Variants in BTD observed in about 807,000 individuals in gnomAD.
The protein encoded by BTD is biocytinase.
Under a neutral mutation model 17.7 loss-of-function variants are expected in BTD, and 13 were observed. The observed-to-expected ratio is 0.74, with a 90% CI of 0.48 to 1.17. The LOEUF is 1.17. BTD is among the 50% of genes most tolerant of loss of function. The pLI, the probability that BTD is intolerant of heterozygous loss-of-function variation, is 0.00. For synonymous variants in BTD, 240 were observed against 245.2 expected (o/e 0.98, Z 0.20); for missense variants, 674 against 650.4 (o/e 1.04, Z -0.39).
chr3:15,614,205 C>T (rs1049095044), intron 1 of BTD, among the ~76,000 whole-genome samples: 2 of 151,496 alleles, frequency 1.3e-5, no homozygotes, highest in African/African-American at 4.9e-5. Context: ...CCCACTGCAG[C>T]CTTAAACTCC....
intron 3 of BTD, among the ~76,000 whole-genome samples, chr3:15,680,290 T>G (rs2067403322): frequency 6.6e-6 from 1 of 152,026 alleles, no homozygotes; most frequent in Admixed American, 6.5e-5. Flanking sequence ...CTGCAACCTC[T>G]GCCTCCTGGG....
intron 1 of BTD, among the ~76,000 whole-genome samples, chr3:15,605,130 C>T (rs1199176224): frequency 6.6e-6 from 1 of 152,156 alleles, no homozygotes; most frequent in Non-Finnish European, 1.5e-5. Flanking sequence ...TGTGTTAGTC[C>T]CTTTTCATAC....
chr3:15,665,071 G>A (rs559587657), intron 3 of BTD, among the ~76,000 whole-genome samples: 1 of 152,068 alleles, frequency 6.6e-6, no homozygotes, highest in Non-Finnish European at 1.5e-5. Flanking sequence ...TAGTAGACAG[G>A]TATTTCAATT....
rs527272053 is a variant in BTD, at chr3:15,643,993, T to A, written c.400-323T>A. The stretch of plus-strand genomic sequence containing the variant: ...TAATTTATTTATTTATTTATTTATT[T>A]ATTTATTTATTTATTTATTTATTTT... On this transcript the variant is annotated intron_variant, in intron 3 of 3. Transcript: ENST00000643237. 3.2e-3 allele frequency among the ~76,000 whole-genome samples: 472 copies of A among 149,292 alleles called. 6 individuals carry two copies. Among genetic ancestry groups the A allele is most frequent in the African/African-American group, 0.011 (443 of 41,056 alleles).
In BTD at chr3:15,635,787, T is replaced by C; in HGVS notation, c.249+99T>C. The C allele has an allele frequency of 1.3e-6, 2 of 1,551,072 alleles. No individual in the cohort carries two copies. The highest frequency in any genetic ancestry group is 1.8e-6 in the Non-Finnish European group (2 of 1,129,834). On this transcript the variant is annotated intron_variant, in intron 2 of 3. Coordinates refer to ENST00000643237, the MANE Select transcript of BTD (RefSeq NM_001370658.1). The surrounding 1 kb of genome is among the most constrained non-coding windows in gnomAD (Gnocchi z 4.1). ...GGTAATCCCAGGCTTCCTACCACCC[T>C]CTGAAAAAGCATCCAGGTAGTTAAC...
chr3:15,685,380 C>T (rs757750373), intron 3 of BTD: 3 of 1,613,986 alleles, frequency 1.9e-6, no homozygotes, highest in South Asian at 2.2e-5. Context: ...CCCTGCTATC[C>T]CGAAGTAAGC....
At chr3:15,669,227 T>C (rs936553229) in intron 3 of BTD, 3 of 152,192 alleles carry the variant, frequency 2.0e-5, no homozygotes, top group African/African-American at 7.2e-5. Flanking sequence ...CTTTTGATTA[T>C]TCACTTTTTC....
chr3:15,715,148 A>G (rs978341969), downstream of BTD, among the ~76,000 whole-genome samples: 1 of 152,230 alleles, frequency 6.6e-6, no homozygotes, highest in Non-Finnish European at 1.5e-5. Flanking sequence ...GGCTGCACAC[A>G]TATATATTTC....
At position 15,644,617 on chromosome 3, in the gene BTD, C is replaced by T. The variant is rs1183015382; in HGVS notation, c.701C>T (p.Ala234Val). The T allele has an allele frequency of 1.2e-6, 2 of 1,614,046 alleles. No homozygotes were observed. Among genetic ancestry groups the T allele is most frequent in the Non-Finnish European group, 1.7e-6 (2 of 1,180,034 alleles). ...TTTGATATATTGTTCTTTGACCCTGCCATCAGAGTCCTCAGAGACTACAAG... is the reference window on the plus strand; with the variant it reads ...TTTGATATATTGTTCTTTGACCCTGTCATCAGAGTCCTCAGAGACTACAAG... ...TCFDILFFDP[A>V]IRVLRDYKVK... Residue 234 changes from alanine (A) to valine (V), a missense_variant, in exon 4 of 4, where the codon GCC (alanine) becomes GTC (valine). Ala to Val is a moderately conservative substitution (Grantham distance 64). Transcript: ENST00000643237.
At chr3:15,671,704 C>A (rs958399839) in intron 3 of BTD, among the ~76,000 whole-genome samples, 1 of 151,774 alleles carries the variant, frequency 6.6e-6, no homozygotes, top group African/African-American at 2.4e-5. Context: ...CTGCCTCAGC[C>A]TCCTGAGTAG....
chr3:15,670,680 G>T, intron 3 of BTD: 1 of 994,568 alleles, frequency 1.0e-6, no homozygotes, highest in Non-Finnish European at 1.4e-6. Context: ...ATAATAAATT[G>T]CTGTAACCAG....
At chr3:15,695,168 G>T in intron 3 of BTD, 2 of 1,582,892 alleles carry the variant, frequency 1.3e-6, no homozygotes, top group Non-Finnish European at 1.7e-6. Flanking sequence ...ATTGGTGGGA[G>T]GGAATTGACT....
Position 15,649,848 on chromosome 3 carries a change from G to A in BTD, c.*4360G>A, listed in dbSNP as rs115944592. On this transcript the variant is annotated 3_prime_UTR_variant, in exon 4 of 4. Coordinates refer to ENST00000643237, the MANE Select transcript of BTD (RefSeq NM_001370658.1). ...TTCCCTCTGCCGGAACATGAGCCATGCCTAGAGTAGCCACCTAGTAGTGAG... is the reference window on the plus strand; with the variant it reads ...TTCCCTCTGCCGGAACATGAGCCATACCTAGAGTAGCCACCTAGTAGTGAG... Among the ~76,000 whole-genome samples the A allele has an allele frequency of 0.013, 2,033 of 152,302 alleles. 29 individuals are homozygous for A. Among genetic ancestry groups the A allele is most frequent in the Non-Finnish European group, 0.024 (1,624 of 68,034 alleles).
At chr3:15,621,437 G>T (rs1282573541) in intron 1 of BTD, among the ~76,000 whole-genome samples, 1 of 152,106 alleles carries the variant, frequency 6.6e-6, no homozygotes, top group Non-Finnish European at 1.5e-5. Context: ...CTGAATGTTT[G>T]GTAGAATTCA....
intron 3 of BTD, chr3:15,669,900 A>G (rs2066187066): frequency 5.9e-6 from 1 of 168,586 alleles, no homozygotes; most frequent in African/African-American, 2.4e-5. Context: ...ATTTAGTTGT[A>G]ATTTTATTGA....
At chr3:15,621,375 C>A (rs1021477701) in intron 1 of BTD, among the ~76,000 whole-genome samples, 6 of 152,082 alleles carry the variant, frequency 3.9e-5, no homozygotes, top group Non-Finnish European at 8.8e-5. Flanking sequence ...AGAAGTATTC[C>A]CTCTGTTTCT....
At chr3:15,617,527 C>CT (rs1323652333) in intron 1 of BTD, among the ~76,000 whole-genome samples, 1 of 152,144 alleles carries the variant, frequency 6.6e-6, no homozygotes, top group Non-Finnish European at 1.5e-5. Flanking sequence ...GTTGAAAAGA[C>CT]TGTCTTTGCT....
intron 3 of BTD, chr3:15,685,316 C>T (rs747281207): frequency 5.3e-5 from 86 of 1,613,858 alleles, no homozygotes; most frequent in Admixed American, 1.5e-4. Flanking sequence ...TGCAAAAGGG[C>T]TCCAAGAACA....
chr3:15,715,988 TTCTC>T (rs201449339), downstream of BTD, among the ~76,000 whole-genome samples: 5 of 151,920 alleles, frequency 3.3e-5, no homozygotes, highest in Non-Finnish European at 5.9e-5. Flanking sequence ...GGCCTTTTTT[TTCTC>T]TCTTTTTTTT....
Sources: allele counts gnomAD v4.1 joint callset (sites outside exome capture counted in the v4.1 genomes callset), GRCh38; gene constraint gnomAD v4.1.1; non-coding constraint Gnocchi (gnomAD v3.1); transcripts MANE v1.5; gene names NCBI Gene and HGNC (gene_info 2026-07-23, HGNC 2026-07-21).